The following UBE2G1 variants were observed in gnomAD, a reference collection of about 807,000 sequenced individuals.
UBE2G1 encodes the protein ubiquitin conjugating enzyme E2 G1, also known as ubiquitin-conjugating enzyme E2 G1.
In UBE2G1, 5 loss-of-function variants were observed where a neutral mutation model predicts 22.7. The observed-to-expected ratio is 0.22, with a 90% CI of 0.12 to 0.46. UBE2G1 has a LOEUF of 0.46. Among genes scored for constraint, UBE2G1 ranks in the 20% least tolerant of loss-of-function variants. The probability of loss-of-function intolerance (pLI) is 0.99; values close to 1 mark genes in which losing one functional copy is unlikely to be tolerated. For synonymous variants in UBE2G1, 74 were observed against 67.5 expected (o/e 1.10, Z -0.47); for missense variants, 88 against 203.9 (o/e 0.43, Z 3.46).
chr17:4,365,918 T>C (rs1021427647), intron 1 of UBE2G1, among the ~76,000 whole-genome samples: 1 of 151,836 alleles, frequency 6.6e-6, no homozygotes, highest in African/African-American at 2.4e-5. Context: ...CGGCAGCACC[T>C]GAACCCGGGA....
intron 5 of UBE2G1, among the ~76,000 whole-genome samples, chr17:4,275,686 T>C (rs1968813301): frequency 6.6e-6 from 1 of 152,176 alleles, no homozygotes; most frequent in African/African-American, 2.4e-5. Context: ...AAAGTAATTC[T>C]TCAATCATAG....
Position 4,328,978 on chromosome 17 carries a change from C to A in UBE2G1, c.47-21855G>T, listed in dbSNP as rs193164219. Among the ~76,000 whole-genome samples, 3 of 151,558 alleles carry A rather than the reference C, an allele frequency of 2.0e-5. No homozygotes were observed. The South Asian group carries it at 6.3e-4, about 32-fold the overall frequency. ...AAAATTAGCCAGGCGTGGTGGCGGA[C>A]GCCTGTAGTCCCAGCTACTCAGGAG... On this transcript the variant is annotated intron_variant, in intron 1 of 5. Coordinates refer to ENST00000396981, the MANE Select transcript of UBE2G1 (RefSeq NM_003342.5).
chr17:4,277,862 GGCT>G lies in UBE2G1; in HGVS notation c.*37+4933_*37+4935del, dbSNP rs1378334566. On this transcript the variant is annotated intron_variant, in intron 5 of 5. Coordinates refer to ENST00000396981, the MANE Select transcript of UBE2G1 (RefSeq NM_003342.5). Reference sequence around the variant, plus strand: ...CCAGCCTTCAAGAAGAGACAGGTGAGGCTGCTGACTATTCAGTCTACAAAGCCG... The same window carrying G: ...CCAGCCTTCAAGAAGAGACAGGTGAGGCTGACTATTCAGTCTACAAAGCCG... Among the ~76,000 whole-genome samples, 3 of 152,006 alleles carry G rather than the reference GGCT, an allele frequency of 2.0e-5. No individual in the cohort carries two copies. In the East Asian group the frequency reaches 5.8e-4, roughly 29 times the overall value.
At chr17:4,329,892 A>C (rs1261492757) in intron 1 of UBE2G1, among the ~76,000 whole-genome samples, 2 of 151,922 alleles carry the variant, frequency 1.3e-5, no homozygotes, top group African/African-American at 4.8e-5. Context: ...AATAAGGACT[A>C]AACTATCACC....
Position 4,342,625 on chromosome 17 carries a change from C to T in UBE2G1, c.46+23646G>A, listed in dbSNP as rs143972870. Among the ~76,000 whole-genome samples the T allele has an allele frequency of 5.3e-4, 80 of 152,294 alleles. 1 individual carries two copies. The East Asian group carries it at 7.5e-3, about 14-fold the overall frequency. ...CTATTCCACCAGCAAATTCCAACAG[C>T]TCTATTTAGGAAATACACCCAAGAA... On this transcript the variant is annotated intron_variant, in intron 1 of 5. Coordinates refer to ENST00000396981, the MANE Select transcript of UBE2G1 (RefSeq NM_003342.5).
At position 4,301,406 on chromosome 17, in the gene UBE2G1, CT is replaced by C. The variant is rs570866889; in HGVS notation, c.150-4593del. ...TGGCCCTTCTGTGGCCTCCAGTCAC[CT>C]GGCTATGACTTTTGATGCTGTTATT... On this transcript the variant is annotated intron_variant, in intron 2 of 5. Coordinates refer to ENST00000396981, the MANE Select transcript of UBE2G1 (RefSeq NM_003342.5). 190 of 626,778 alleles carry C rather than the reference CT, an allele frequency of 3.0e-4. 1 individual carries two copies. The highest frequency in any genetic ancestry group is 2.5e-3 in the South Asian group (171 of 69,494). 38.8% of individuals were successfully genotyped at this position (626,778 alleles called of 1,614,324 possible).
intron 1 of UBE2G1, among the ~76,000 whole-genome samples, chr17:4,338,148 C>A (rs1388296342): frequency 6.8e-6 from 1 of 148,082 alleles, no homozygotes. Flanking sequence ...GCAGCCTAGG[C>A]GACAGAGCGA....
At chr17:4,340,002 T>C (rs1276049454) in intron 1 of UBE2G1, among the ~76,000 whole-genome samples, 1 of 152,212 alleles carries the variant, frequency 6.6e-6, no homozygotes, top group Non-Finnish European at 1.5e-5. Flanking sequence ...GGTGCAGTCA[T>C]AGCTCACTGC....
At chr17:4,274,394 T>C (rs1347749744) in intron 5 of UBE2G1, among the ~76,000 whole-genome samples, 3 of 152,056 alleles carry the variant, frequency 2.0e-5, no homozygotes, top group Non-Finnish European at 4.4e-5. Flanking sequence ...AGACGGGGTT[T>C]CACTGTGTTA....
intron 1 of UBE2G1, among the ~76,000 whole-genome samples, chr17:4,311,266 A>G (rs1353816101): frequency 6.6e-6 from 1 of 152,160 alleles, no homozygotes; most frequent in Non-Finnish European, 1.5e-5. Context: ...GTAAAATGAC[A>G]TATGATTAAA....
At chr17:4,347,410 C>T (rs956313284) in intron 1 of UBE2G1, among the ~76,000 whole-genome samples, 3 of 150,928 alleles carry the variant, frequency 2.0e-5, no homozygotes, top group Non-Finnish European at 4.4e-5. Flanking sequence ...ATTTTTCCAA[C>T]ATCATGTGCT....
chr17:4,345,534 A>G (rs1969758377), intron 1 of UBE2G1: 1 of 152,246 alleles, frequency 6.6e-6, no homozygotes, highest in Non-Finnish European at 1.5e-5. Flanking sequence ...AAAATCACAC[A>G]TACAGTAAAT....
intron 2 of UBE2G1, among the ~76,000 whole-genome samples, chr17:4,298,281 G>GC (rs1164316822): frequency 6.6e-6 from 1 of 152,056 alleles, no homozygotes; most frequent in Non-Finnish European, 1.5e-5. Context: ...AGCTGTGATT[G>GC]CACCACTGCA....
intron 1 of UBE2G1, among the ~76,000 whole-genome samples, chr17:4,321,855 T>C (rs541469605): frequency 6.6e-6 from 1 of 152,316 alleles, no homozygotes; most frequent in South Asian, 2.1e-4. Context: ...CTAATTTTCC[T>C]AGGCTATTAG....
At chr17:4,339,975 A>T (rs189171565) in intron 1 of UBE2G1, among the ~76,000 whole-genome samples, 1 of 152,056 alleles carries the variant, frequency 6.6e-6, no homozygotes, top group Non-Finnish European at 1.5e-5. Flanking sequence ...CTGGGGCTGC[A>T]CGGGCTGGAG....
At chr17:4,330,463 C>A (rs1231277983) in intron 1 of UBE2G1, among the ~76,000 whole-genome samples, 1 of 152,086 alleles carries the variant, frequency 6.6e-6, no homozygotes, top group Non-Finnish European at 1.5e-5. Flanking sequence ...TTCAGCCAGT[C>A]GCGGTGGCTC....
intron 1 of UBE2G1, among the ~76,000 whole-genome samples, chr17:4,358,068 G>A (rs1969927598): frequency 6.6e-6 from 1 of 151,994 alleles, no homozygotes; most frequent in South Asian, 2.1e-4. Context: ...CACCAGCAAT[G>A]TATAAAAGTT....
At chr17:4,308,182 C>T (rs944631159) in intron 1 of UBE2G1, among the ~76,000 whole-genome samples, 2 of 152,084 alleles carry the variant, frequency 1.3e-5, no homozygotes, top group Non-Finnish European at 2.9e-5. Context: ...GGAGAAACGC[C>T]GTCTCTATTA....
intron 2 of UBE2G1, among the ~76,000 whole-genome samples, chr17:4,300,378 A>G (rs949835321): frequency 2.0e-5 from 3 of 151,618 alleles, no homozygotes; most frequent in African/African-American, 7.3e-5. Flanking sequence ...CGCCGTCTCT[A>G]CTAAAAATGC....
Sources: allele counts gnomAD v4.1 joint callset (sites outside exome capture counted in the v4.1 genomes callset), GRCh38; gene constraint gnomAD v4.1.1; transcripts MANE v1.5; gene names NCBI Gene and HGNC (gene_info 2026-07-23, HGNC 2026-07-21).